Variants in SLC25A21 observed in about 807,000 individuals in gnomAD.
The protein encoded by SLC25A21 is solute carrier family 25 member 21.
In SLC25A21, 47 loss-of-function variants were observed where a neutral mutation model predicts 43.8. The ratio of observed to expected loss-of-function variants is 1.07; its 90% CI spans 0.85 to 1.37. The LOEUF (loss-of-function observed/expected upper bound fraction) is 1.37, where lower values mean the gene tolerates loss of function less well. Among genes scored for constraint, SLC25A21 ranks in the 40% most tolerant of loss-of-function variants. The pLI, the probability that SLC25A21 is intolerant of heterozygous loss-of-function variation, is 0.00. For missense variants in SLC25A21, 352 were observed against 350.2 expected (o/e 1.00, Z -0.04); for synonymous variants, 131 against 121.3 (o/e 1.08, Z -0.52).
intron 2 of SLC25A21, among the ~76,000 whole-genome samples, chr14:36,837,005 A>C (rs1889231982): frequency 6.6e-6 from 1 of 152,120 alleles, no homozygotes; most frequent in African/African-American, 2.4e-5. Flanking sequence ...AAAGAAAAAC[A>C]AGAGAAGGAA....
chr14:36,996,344 G>C (rs1960371611), intron 1 of SLC25A21, among the ~76,000 whole-genome samples: 1 of 152,128 alleles, frequency 6.6e-6, no homozygotes, highest in Non-Finnish European at 1.5e-5. Context: ...CATTAGATAA[G>C]AATTACTTTC....
At chr14:36,969,289 C>T (rs1299981202) in intron 1 of SLC25A21, among the ~76,000 whole-genome samples, 1 of 152,108 alleles carries the variant, frequency 6.6e-6, no homozygotes, top group Non-Finnish European at 1.5e-5. Flanking sequence ...AGAGCGGGAA[C>T]AGATGTGCTT....
chr14:36,787,254 C>A (rs1392230524), intron 3 of SLC25A21, among the ~76,000 whole-genome samples: 1 of 152,132 alleles, frequency 6.6e-6, no homozygotes, highest in Non-Finnish European at 1.5e-5. Flanking sequence ...ATACTCTACT[C>A]AGAATATCTT....
At chr14:36,895,885 T>C (rs1280893280) in intron 1 of SLC25A21, among the ~76,000 whole-genome samples, 4 of 152,236 alleles carry the variant, frequency 2.6e-5, no homozygotes, top group Non-Finnish European at 5.9e-5. Flanking sequence ...TCTAGTTTCA[T>C]TGCACTGTGG....
intron 2 of SLC25A21, among the ~76,000 whole-genome samples, chr14:36,819,512 A>G (rs1594616252): frequency 6.6e-6 from 1 of 152,058 alleles, no homozygotes; most frequent in African/African-American, 2.4e-5. Context: ...TACCACTTCC[A>G]CTTGTTTGAG....
chr14:36,705,160 C>G (rs1259491316), intron 7 of SLC25A21, among the ~76,000 whole-genome samples: 2 of 151,972 alleles, frequency 1.3e-5, no homozygotes, highest in African/African-American at 4.8e-5. Flanking sequence ...CCTGCCTTAG[C>G]CTCCCAAGTA....
At chr14:36,965,128 C>T (rs1223252466) in intron 1 of SLC25A21, among the ~76,000 whole-genome samples, 1 of 152,076 alleles carries the variant, frequency 6.6e-6, no homozygotes, top group Non-Finnish European at 1.5e-5. Context: ...TGTTAACTTA[C>T]CTTCCCTTTT....
At chr14:37,011,600 A>G (rs1960733725) in intron 1 of SLC25A21, among the ~76,000 whole-genome samples, 1 of 152,170 alleles carries the variant, frequency 6.6e-6, no homozygotes, top group Non-Finnish European at 1.5e-5. Flanking sequence ...GTTCTCTCAA[A>G]TAAAAATTCC....
chr14:36,856,276 A>G (rs1279250150), intron 2 of SLC25A21, among the ~76,000 whole-genome samples: 1 of 152,176 alleles, frequency 6.6e-6, no homozygotes, highest in Non-Finnish European at 1.5e-5. Flanking sequence ...CCTAACCAGG[A>G]ACTGCGGGCT....
chr14:36,864,386 C>T (rs543320706), intron 2 of SLC25A21, among the ~76,000 whole-genome samples: 80 of 152,268 alleles, frequency 5.3e-4, no homozygotes, highest in African/African-American at 1.5e-3. Context: ...ATATGTTACC[C>T]ATCTTGTGCC....
At chr14:36,730,109 C>G (rs1235590981) in intron 4 of SLC25A21, among the ~76,000 whole-genome samples, 1 of 152,172 alleles carries the variant, frequency 6.6e-6, no homozygotes. Context: ...GTTATCTAGT[C>G]CATCCCCTGC....
At chr14:36,929,785 C>G (rs772400587) in intron 1 of SLC25A21, among the ~76,000 whole-genome samples, 1 of 152,118 alleles carries the variant, frequency 6.6e-6, no homozygotes, top group Non-Finnish European at 1.5e-5. Flanking sequence ...TCTTTCCTTC[C>G]CTGGATAAGC....
chr14:36,881,557 G>T (rs1890725475), intron 1 of SLC25A21, among the ~76,000 whole-genome samples: 1 of 152,150 alleles, frequency 6.6e-6, no homozygotes, highest in Non-Finnish European at 1.5e-5. Flanking sequence ...ACAACGTAAA[G>T]CAGAAGATCT....
At chr14:37,000,826 G>A (rs755927453) in intron 1 of SLC25A21, among the ~76,000 whole-genome samples, 2 of 152,118 alleles carry the variant, frequency 1.3e-5, no homozygotes, top group Non-Finnish European at 2.9e-5. Context: ...CTGCTCCCAT[G>A]TGAAGAAGGT....
At chr14:36,898,786 C>G (rs1302417218) in intron 1 of SLC25A21, among the ~76,000 whole-genome samples, 1 of 152,088 alleles carries the variant, frequency 6.6e-6, no homozygotes, top group Non-Finnish European at 1.5e-5. Flanking sequence ...GTGCAGTGGC[C>G]AGGGAGATGT....
Position 36,679,790 on chromosome 14 carries a change from C to CAA in SLC25A21, c.*866_*867dup. 2.0e-6 allele frequency: 2 copies of CAA among 985,250 alleles called. No homozygotes were observed. Among genetic ancestry groups the CAA allele is most frequent in the Non-Finnish European group, 2.4e-6 (2 of 829,776 alleles). The allele number at this position is 985,250 out of a possible 1,614,324, so 61.0% of individuals were successfully genotyped here. ...TTTGGATGCAAATACTGATGGCTGA[C>CAA]AAATGGGTCCAAAGGTGTTTCCAAT... On this transcript the variant is annotated 3_prime_UTR_variant, in exon 10 of 10. Transcript: ENST00000331299.
intron 1 of SLC25A21, among the ~76,000 whole-genome samples, chr14:37,022,617 AC>A (rs1961011094): frequency 6.6e-6 from 1 of 151,962 alleles, no homozygotes; most frequent in Admixed American, 6.6e-5. Context: ...TATTTTGTCT[AC>A]GAGTTTTGCT....
At chr14:36,862,191 G>T (rs1040742724) in intron 2 of SLC25A21, among the ~76,000 whole-genome samples, 9 of 152,158 alleles carry the variant, frequency 5.9e-5, no homozygotes, top group Admixed American at 5.9e-4. Flanking sequence ...CATTGTGGAA[G>T]ACAGTGTGGC....
intron 2 of SLC25A21, among the ~76,000 whole-genome samples, chr14:36,861,395 G>A (rs569841431): frequency 1.2e-4 from 18 of 152,244 alleles, no homozygotes; most frequent in African/African-American, 4.3e-4. Context: ...CCATATGCTC[G>A]ACTCAAAAGT....
Sources: gnomAD v4.1 joint callset for allele counts (sites outside exome capture counted in the v4.1 genomes callset) on GRCh38, gnomAD v4.1.1 for gene constraint, MANE v1.5 for transcripts, NCBI Gene and HGNC (gene_info 2026-07-23, HGNC 2026-07-21) for gene names.